MACROD2: variants seen among roughly 807,000 people sequenced by gnomAD.
The protein encoded by MACROD2 is ADP-ribose glycohydrolase MACROD2.
MACROD2 carries 36 observed loss-of-function variants against 70.4 expected under a neutral mutation model. That is an observed-to-expected ratio of 0.51 (90% confidence interval 0.39 to 0.68). The LOEUF (loss-of-function observed/expected upper bound fraction) is 0.68. Ranked by LOEUF, MACROD2 falls within the 30% of genes least tolerant of loss-of-function variation. MACROD2 has a pLI of 0.00. For synonymous variants in MACROD2, 172 were observed against 178.8 expected (o/e 0.96, Z 0.30); for missense variants, 496 against 538.4 (o/e 0.92, Z 0.78).
chr20:14,505,261 A>G (rs1020590466), intron 4 of MACROD2, among the ~76,000 whole-genome samples: 2 of 152,196 alleles, frequency 1.3e-5, no homozygotes, highest in African/African-American at 4.8e-5. Flanking sequence ...TACAGTATAT[A>G]GCTTTGGAAG....
intron 3 of MACROD2, among the ~76,000 whole-genome samples, chr20:14,308,960 G>C (rs2082543028): frequency 1.3e-5 from 2 of 152,102 alleles, no homozygotes; most frequent in African/African-American, 4.8e-5. Flanking sequence ...GCTGAGAAAG[G>C]ATATGCATTT....
chr20:15,446,876 C>T (rs945692306), intron 7 of MACROD2, among the ~76,000 whole-genome samples: 2 of 152,130 alleles, frequency 1.3e-5, no homozygotes, highest in African/African-American at 2.4e-5. Flanking sequence ...GAAAGGAGGT[C>T]TCAACAGCTT....
intron 5 of MACROD2, among the ~76,000 whole-genome samples, chr20:14,980,582 A>G (rs1471974465): frequency 2.0e-5 from 3 of 152,222 alleles, no homozygotes; most frequent in Non-Finnish European, 4.4e-5. Flanking sequence ...AACAGAAACA[A>G]TGACAACTTA....
chr20:15,174,871 ATTTG>A (rs1228585499), intron 5 of MACROD2, among the ~76,000 whole-genome samples: 18 of 151,796 alleles, frequency 1.2e-4, no homozygotes, highest in Non-Finnish European at 2.2e-4. Context: ...TTTCTTGTAA[ATTTG>A]TTTGAGTTCA....
intron 5 of MACROD2, among the ~76,000 whole-genome samples, chr20:15,126,085 A>G (rs140388050): frequency 3.0e-3 from 432 of 144,604 alleles, no homozygotes; most frequent in African/African-American, 9.9e-3. Flanking sequence ...CCATTTATCA[A>G]TTGTTGGACA....
intron 3 of MACROD2, among the ~76,000 whole-genome samples, chr20:14,173,352 G>T (rs1174222112): frequency 6.6e-6 from 1 of 151,996 alleles, no homozygotes; most frequent in African/African-American, 2.4e-5. Flanking sequence ...GAATTAATTC[G>T]AAAGCCCTCT....
chr20:14,629,495 A>G (rs968257897), intron 4 of MACROD2, among the ~76,000 whole-genome samples: 4 of 152,150 alleles, frequency 2.6e-5, no homozygotes, highest in African/African-American at 9.7e-5. Flanking sequence ...GAATTGCAAT[A>G]TTTACTTATT....
chr20:15,742,261 AT>A (rs1370133378), intron 8 of MACROD2, among the ~76,000 whole-genome samples: 1 of 152,104 alleles, frequency 6.6e-6, no homozygotes, highest in Admixed American at 6.6e-5. Context: ...AAAAGCCTTA[AT>A]TGAGTATTTA....
intron 6 of MACROD2, among the ~76,000 whole-genome samples, chr20:15,254,336 A>G (rs2077180483): frequency 1.3e-5 from 2 of 152,162 alleles, no homozygotes; most frequent in African/African-American, 4.8e-5. Flanking sequence ...AGAATCATCA[A>G]TAACTCTTGG....
chr20:15,833,911 T>G (rs1379880406), intron 8 of MACROD2, among the ~76,000 whole-genome samples: 1 of 152,198 alleles, frequency 6.6e-6, no homozygotes, highest in Non-Finnish European at 1.5e-5. Context: ...GGTCTGATAC[T>G]AAGAGGAGGC....
At chr20:14,667,594 A>T (rs2070749219) in intron 4 of MACROD2, among the ~76,000 whole-genome samples, 1 of 152,174 alleles carries the variant, frequency 6.6e-6, no homozygotes, top group East Asian at 1.9e-4. Context: ...TGTGGAGGAA[A>T]GCACATGTGG....
chr20:16,012,238 A>C (rs1270617274), intron 15 of MACROD2, among the ~76,000 whole-genome samples: 1 of 152,144 alleles, frequency 6.6e-6, no homozygotes, highest in African/African-American at 2.4e-5. Flanking sequence ...ACTTATCTAC[A>C]AACCTCCTTC....
At chr20:15,497,929 G>A (rs1053726878) in intron 7 of MACROD2, among the ~76,000 whole-genome samples, 3 of 152,088 alleles carry the variant, frequency 2.0e-5, no homozygotes, top group African/African-American at 4.8e-5. Context: ...ATAGCTACTC[G>A]TGTGGGGTTC....
intron 4 of MACROD2, among the ~76,000 whole-genome samples, chr20:14,661,149 C>T (rs1411555928): frequency 1.3e-5 from 2 of 151,858 alleles, no homozygotes; most frequent in African/African-American, 4.8e-5. Context: ...AGGGGCTGAA[C>T]TAATTTGCAC....
intron 5 of MACROD2, among the ~76,000 whole-genome samples, chr20:14,764,524 C>T (rs957203520): frequency 9.2e-5 from 14 of 152,118 alleles, no homozygotes; most frequent in East Asian, 3.9e-4. Context: ...GCTATGGGGA[C>T]GGCTGACCAC....
At chr20:15,092,581 C>T (rs2075800605) in intron 5 of MACROD2, among the ~76,000 whole-genome samples, 1 of 151,552 alleles carries the variant, frequency 6.6e-6, no homozygotes, top group African/African-American at 2.4e-5. Context: ...CTTAGACTTA[C>T]TCTTCTGATA....
chr20:15,686,470 C>T (rs547768901), intron 8 of MACROD2, among the ~76,000 whole-genome samples: 46 of 152,154 alleles, frequency 3.0e-4, no homozygotes, highest in African/African-American at 1.1e-3. Context: ...AATATATCTA[C>T]CTATCTAGTG....
intron 5 of MACROD2, among the ~76,000 whole-genome samples, chr20:15,114,424 G>A (rs1001591415): frequency 1.3e-5 from 2 of 152,094 alleles, no homozygotes; most frequent in African/African-American, 4.8e-5. Context: ...TTATGAGAGG[G>A]GGATGCCAAG....
chr20:15,273,924 G>C (rs748661241), intron 6 of MACROD2, among the ~76,000 whole-genome samples: 30 of 152,268 alleles, frequency 2.0e-4, no homozygotes, highest in Admixed American at 3.9e-4. Flanking sequence ...TGTCAGGATT[G>C]AAGATAGTAT....
Sources: gnomAD v4.1 joint callset for allele counts (sites outside exome capture counted in the v4.1 genomes callset) on GRCh38, gnomAD v4.1.1 for gene constraint, MANE v1.5 for transcripts, NCBI Gene and HGNC (gene_info 2026-07-23, HGNC 2026-07-21) for gene names.